LONP1: variants seen among roughly 807,000 people sequenced by gnomAD.
LONP1 encodes lon peptidase 1, mitochondrial.
Under a neutral mutation model 98.5 loss-of-function variants are expected in LONP1, and 31 were observed. The observed-to-expected ratio is 0.31, with a 90% CI of 0.24 to 0.42. The LOEUF (loss-of-function observed/expected upper bound fraction) is 0.42. Among genes scored for constraint, LONP1 ranks in the 20% least tolerant of loss-of-function variants. LONP1 has a pLI of 1.00. For synonymous variants in LONP1, 781 were observed against 594.7 expected (o/e 1.31, Z -4.56); for missense variants, 1,336 against 1,350.6 (o/e 0.99, Z 0.17).
At chr19:5,716,259 C>CACATATATATAT (rs2055317731) in intron 1 of LONP1, among the ~76,000 whole-genome samples, 1 of 77,234 alleles carries the variant, frequency 1.3e-5, no homozygotes, top group African/African-American at 5.3e-5. Flanking sequence ...TTAAAATATA[C>CACATATATATAT]ATATATATAT....
Position 5,713,898 on chromosome 19 carries a change from A to T in LONP1, c.518+285T>A, listed in dbSNP as rs75616201. On this transcript the variant is annotated intron_variant, in intron 2 of 17. Coordinates refer to ENST00000360614, the MANE Select transcript of LONP1 (RefSeq NM_004793.4). Reference sequence around the variant, plus strand: ...ATTTCTACATGGAGCCACATCTCCGAGCAGCTAGCTCGACTTTCAGGTAGC... The same window carrying T: ...ATTTCTACATGGAGCCACATCTCCGTGCAGCTAGCTCGACTTTCAGGTAGC... Among the ~76,000 whole-genome samples, 2,842 of 152,266 alleles carry T rather than the reference A, an allele frequency of 0.019. 97 individuals are homozygous for T. The highest frequency in any genetic ancestry group is 0.064 in the African/African-American group (2,663 of 41,538).
intron 1 of LONP1, among the ~76,000 whole-genome samples, chr19:5,716,280 A>G (rs952485265): frequency 4.6e-5 from 5 of 108,482 alleles, no homozygotes; most frequent in Non-Finnish European, 1.0e-4. Context: ...ATATATATAT[A>G]TATATATATA....
chr19:5,719,836 G>GC lies in LONP1; in HGVS notation c.296dup (p.Ser100GlnfsTer46). 6.2e-7 allele frequency: 1 copy of GC among 1,608,080 alleles called. No individual in the cohort carries two copies. On this transcript the variant is annotated frameshift_variant, in exon 1 of 18. Transcript: ENST00000360614. LOFTEE classifies it high-confidence loss of function. The stretch of plus-strand genomic sequence containing the variant: ...CCGGGCCTTCCCCGGCGCCCGCGCT[G>GC]CCCCCCGCGCCGCCGGCTCCTTCCT...
chr19:5,693,562 T>C lies in LONP1; in HGVS notation c.2528A>G (p.His843Arg). The C allele has an allele frequency of 6.2e-7, 1 of 1,614,024 alleles. No individual in the cohort carries two copies. The highest frequency in any genetic ancestry group is 8.5e-7 in the Non-Finnish European group (1 of 1,179,986). Residue 843 changes from histidine to arginine, a missense_variant, in exon 16 of 18, where the codon CAT becomes CGT. Physicochemically the swap from His to Arg is conservative, Grantham distance 29. This residue lies in a region of LONP1 where 555 missense variants were observed against 542.6 expected (regional missense o/e 1.02). Transcript: ENST00000360614. ...GGATGGCGCGGTCACCTCGGGCACA[T>C]GCAGGTGGATGTGTGAGGTCACCAG... Reference protein sequence around the residue: ...DYLVTSHIHLHVPEGATPKDG... With the variant: ...DYLVTSHIHLRVPEGATPKDG...
intron 8 of LONP1, among the ~76,000 whole-genome samples, chr19:5,702,514 C>T (rs1208993111): frequency 2.6e-5 from 4 of 152,128 alleles, no homozygotes; most frequent in South Asian, 2.1e-4. Flanking sequence ...CCAGCCGCCC[C>T]ATCTGGGAGG....
At chr19:5,712,669 A>T (rs1480903804) in intron 3 of LONP1, among the ~76,000 whole-genome samples, 1 of 151,748 alleles carries the variant, frequency 6.6e-6, no homozygotes, top group African/African-American at 2.4e-5. Flanking sequence ...ACTTTTTATT[A>T]TTTTTTATAG....
intron 4 of LONP1, among the ~76,000 whole-genome samples, chr19:5,709,698 A>G (rs2055205489): frequency 2.0e-5 from 3 of 151,988 alleles, no homozygotes. Context: ...TCACGAGGTC[A>G]GGAGATCCAG....
At chr19:5,701,803 T>G (rs1404340611) in intron 8 of LONP1, among the ~76,000 whole-genome samples, 1 of 148,516 alleles carries the variant, frequency 6.7e-6, no homozygotes, top group Non-Finnish European at 1.5e-5. Context: ...TCGTCTGGGA[T>G]GTGAGGAGCC....
chr19:5,695,445 G>A lies in LONP1; in HGVS notation c.2014-544C>T, dbSNP rs1005167930. Among the ~76,000 whole-genome samples the A allele has an allele frequency of 3.9e-5, 6 of 152,112 alleles. No homozygotes were observed. In the East Asian group the frequency reaches 9.7e-4, roughly 25 times the overall value. On this transcript the variant is annotated intron_variant, in intron 13 of 17. Coordinates refer to ENST00000360614, the MANE Select transcript of LONP1 (RefSeq NM_004793.4). ...AGGGGTCCCCATGCCCCCCAGTCCT[G>A]TCCCCAGGAACTACAGGCCCGTCCC...
intron 13 of LONP1, 21 bp downstream of exon 13, chr19:5,696,033 G>C: frequency 6.2e-7 from 1 of 1,602,414 alleles, no homozygotes; most frequent in Non-Finnish European, 8.5e-7. Flanking sequence ...GGGGACAGCA[G>C]TGGGGAGGGG....
intron 1 of LONP1, among the ~76,000 whole-genome samples, chr19:5,715,390 T>TC (rs1221073967): frequency 6.7e-6 from 1 of 150,092 alleles, no homozygotes; most frequent in African/African-American, 2.4e-5. Context: ...ACGCCTGTAA[T>TC]CCCAGCACTT....
intron 8 of LONP1, among the ~76,000 whole-genome samples, chr19:5,704,863 G>A (rs770598514): frequency 9.2e-5 from 14 of 152,230 alleles, no homozygotes; most frequent in African/African-American, 1.2e-4. Flanking sequence ...TGGTCCTGGC[G>A]AGAAGGCCTG....
chr19:5,705,551 C>A (rs1194298061), intron 8 of LONP1, among the ~76,000 whole-genome samples: 1 of 152,056 alleles, frequency 6.6e-6, no homozygotes, highest in African/African-American at 2.4e-5. Flanking sequence ...AGGCCCTGGC[C>A]ACCAGCTCAA....
At chr19:5,702,258 G>C (rs1368735797) in intron 8 of LONP1, among the ~76,000 whole-genome samples, 2 of 147,332 alleles carry the variant, frequency 1.4e-5, no homozygotes. Flanking sequence ...AGGTTGGGGG[G>C]GGGGTCAGCC....
chr19:5,694,563 AG>A lies in LONP1; in HGVS notation c.2155-12del. 1 of 1,603,982 alleles carries A rather than the reference AG, an allele frequency of 6.2e-7. No individual in the cohort carries two copies. Among genetic ancestry groups the A allele is most frequent in the Non-Finnish European group, 8.5e-7 (1 of 1,173,922 alleles). ...CGATTTCCGTAACACCTGGGCGGTC[AG>A]GGCAACACAATGGGCACGGGAAGGT... On this transcript the variant is annotated splice_polypyrimidine_tract_variant and intron_variant, in intron 14 of 17. Transcript: ENST00000360614.
upstream of LONP1, chr19:5,720,246 G>C (rs1212330328): frequency 7.5e-7 from 1 of 1,336,442 alleles, no homozygotes; most frequent in Non-Finnish European, 9.7e-7. Context: ...CGAAACAGCC[G>C]CTTCAGGGAG....
intron 1 of LONP1, among the ~76,000 whole-genome samples, chr19:5,716,519 T>C (rs1409442697): frequency 1.3e-5 from 2 of 150,978 alleles, no homozygotes; most frequent in African/African-American, 4.9e-5. Flanking sequence ...GGCTCTTAAC[T>C]TGTGGTCCAG....
At chr19:5,704,245 C>T (rs1037014941) in intron 8 of LONP1, among the ~76,000 whole-genome samples, 1 of 152,210 alleles carries the variant, frequency 6.6e-6, no homozygotes, top group Non-Finnish European at 1.5e-5. Flanking sequence ...ACGGATTCTC[C>T]TCTGGAGCCT....
intron 1 of LONP1, among the ~76,000 whole-genome samples, chr19:5,718,435 G>A (rs984320534): frequency 1.3e-5 from 2 of 149,050 alleles, no homozygotes; most frequent in South Asian, 2.1e-4. Flanking sequence ...CTGAAATCGC[G>A]CCACTGCACT....
Sources: allele counts gnomAD v4.1 joint callset (sites outside exome capture counted in the v4.1 genomes callset), GRCh38; gene constraint gnomAD v4.1.1; regional missense constraint gnomAD v4.1.1; transcripts MANE v1.5; gene names NCBI Gene and HGNC (gene_info 2026-07-23, HGNC 2026-07-21).